Variants in DIAPH3 observed in about 807,000 individuals in gnomAD.
DIAPH3 encodes the protein protein diaphanous homolog 3.
DIAPH3 carries 117 observed loss-of-function variants against 144.3 expected under a neutral mutation model. The ratio of observed to expected loss-of-function variants is 0.81; its 90% CI spans 0.70 to 0.95. DIAPH3 has a LOEUF of 0.95. Among genes scored for constraint, DIAPH3 ranks in the 40% least tolerant of loss-of-function variants. DIAPH3 has a pLI of 0.00. For missense variants in DIAPH3, 1,421 were observed against 1,412.7 expected, an observed-to-expected ratio of 1.01 and a Z score of -0.09; for synonymous variants, 519 against 488.9, an observed-to-expected ratio of 1.06 and a Z score of -0.81.
chr13:59,995,867 A>C (rs1474145944), intron 9 of DIAPH3, among the ~76,000 whole-genome samples: 1 of 152,076 alleles, frequency 6.6e-6, no homozygotes, highest in Non-Finnish European at 1.5e-5. Flanking sequence ...CCAAGACCTC[A>C]GATGGAATCA....
At chr13:60,096,849 T>C (rs1463789748) in intron 3 of DIAPH3, among the ~76,000 whole-genome samples, 1 of 152,162 alleles carries the variant, frequency 6.6e-6, no homozygotes, top group Non-Finnish European at 1.5e-5. Flanking sequence ...CACCAACAAC[T>C]TCCCTGGTTT....
At chr13:59,743,663 C>G (rs1026760586) in intron 27 of DIAPH3, among the ~76,000 whole-genome samples, 3 of 152,144 alleles carry the variant, frequency 2.0e-5, no homozygotes, top group Non-Finnish European at 4.4e-5. Context: ...ACTGAAGGGT[C>G]TCTTCTAGCC....
intron 25 of DIAPH3, among the ~76,000 whole-genome samples, chr13:59,798,938 A>G (rs2039751317): frequency 6.6e-6 from 1 of 152,166 alleles, no homozygotes; most frequent in Admixed American, 6.5e-5. Context: ...AAACAAGATT[A>G]GGGTACAAGA....
At chr13:60,041,093 C>T (rs1227294123) in intron 5 of DIAPH3, among the ~76,000 whole-genome samples, 2 of 150,398 alleles carry the variant, frequency 1.3e-5, no homozygotes, top group Non-Finnish European at 3.0e-5. Context: ...GGATTACAGG[C>T]TTGAGCCTGT....
chr13:60,045,600 G>A (rs548855551), intron 4 of DIAPH3, among the ~76,000 whole-genome samples: 3 of 152,184 alleles, frequency 2.0e-5, no homozygotes, highest in Admixed American at 6.5e-5. Context: ...TGGGCAAGTA[G>A]GTTGTTTACA....
intron 27 of DIAPH3, among the ~76,000 whole-genome samples, chr13:59,686,761 T>C (rs754793899): frequency 2.0e-5 from 3 of 151,956 alleles, no homozygotes; most frequent in Non-Finnish European, 4.4e-5. Context: ...ACAACCAGGG[T>C]AAGAACATTC....
chr13:59,810,855 T>C lies in DIAPH3; in HGVS notation c.3096A>G (p.Lys1032=). 6.2e-7 allele frequency: 1 copy of C among 1,613,540 alleles called. No individual in the cohort carries two copies. The highest frequency in any genetic ancestry group is 8.5e-7 in the Non-Finnish European group (1 of 1,179,876). ...EEKEKRVRIA[K]ELAERERLER... ...CGAGTCTTTCTCGCTCTGCTAATTC[T>C]TTAGCTATTCTGACACGTTTTTCTT... is the stretch of plus-strand genomic sequence containing the variant. Residue 1032 remains lysine, a synonymous_variant, in exon 25 of 28, where the codon AAA becomes AAG. Coordinates refer to ENST00000400324, the MANE Select transcript of DIAPH3 (RefSeq NM_001042517.2).
chr13:60,054,817 A>C (rs2056493809), intron 4 of DIAPH3, among the ~76,000 whole-genome samples: 1 of 151,990 alleles, frequency 6.6e-6, no homozygotes, highest in Non-Finnish European at 1.5e-5. Context: ...TCTAATGTCA[A>C]TGATCAACAG....
chr13:60,055,123 A>C (rs2056507584), intron 4 of DIAPH3, among the ~76,000 whole-genome samples: 1 of 151,896 alleles, frequency 6.6e-6, no homozygotes, highest in Non-Finnish European at 1.5e-5. Context: ...AAAAGCTTAA[A>C]ATTACCAACT....
At chr13:59,744,514 T>G (rs2036612412) in intron 27 of DIAPH3, among the ~76,000 whole-genome samples, 1 of 116,922 alleles carries the variant, frequency 8.6e-6, no homozygotes, top group Admixed American at 8.3e-5. Flanking sequence ...TATGAGATTT[T>G]GTGTGTAATT....
chr13:60,071,815 A>AAATCTAATCTAATC (rs984900349), intron 4 of DIAPH3, among the ~76,000 whole-genome samples: 1 of 152,140 alleles, frequency 6.6e-6, no homozygotes, highest in East Asian at 1.9e-4. Flanking sequence ...TTTTAACCCT[A>AAATCTAATCTAATC]AATCTAATCT....
At chr13:60,136,302 T>C (rs951277125) in intron 1 of DIAPH3, among the ~76,000 whole-genome samples, 1 of 152,148 alleles carries the variant, frequency 6.6e-6, no homozygotes, top group Non-Finnish European at 1.5e-5. Context: ...TACTGTCTTC[T>C]AGTTCAGGAA....
intron 3 of DIAPH3, among the ~76,000 whole-genome samples, chr13:60,105,109 A>AAAAACAAAAC: frequency 8.1e-6 from 1 of 124,180 alleles, no homozygotes; most frequent in South Asian, 2.8e-4. Context: ...CAAAAAAAAA[A>AAAAACAAAAC]AAAAAAAAAA....
At chr13:59,774,273 A>G in intron 26 of DIAPH3, 25 bp from the exon 27 acceptor site, 5 of 1,582,376 alleles carry the variant, frequency 3.2e-6, no homozygotes, top group Non-Finnish European at 4.3e-6. Context: ...AATAAAATAA[A>G]CTTAATATAG....
At chr13:60,095,381 C>T (rs1053016164) in intron 3 of DIAPH3, among the ~76,000 whole-genome samples, 6 of 151,578 alleles carry the variant, frequency 4.0e-5, no homozygotes, top group Admixed American at 3.3e-4. Flanking sequence ...GGGCTCTTGG[C>T]AATTGTAATT....
intron 9 of DIAPH3, among the ~76,000 whole-genome samples, chr13:60,003,830 T>C (rs2052682688): frequency 6.6e-6 from 1 of 152,124 alleles, no homozygotes; most frequent in South Asian, 2.1e-4. Flanking sequence ...TTCGTCTGTC[T>C]CGGCCTCCCA....
intron 9 of DIAPH3, among the ~76,000 whole-genome samples, chr13:60,000,963 A>T (rs141457861): frequency 6.6e-6 from 1 of 152,312 alleles, no homozygotes; most frequent in South Asian, 2.1e-4. Context: ...AGCCAAGGTG[A>T]CACTAGGAGA....
rs531604354 is a variant in DIAPH3 at position 59,971,007 on chromosome 13, T to C, written c.1804A>G (p.Met602Val). The C allele has an allele frequency of 8.1e-6, 13 of 1,613,792 alleles. No individual in the cohort carries two copies. The East Asian group carries it at 2.9e-4, about 36-fold the overall frequency. ...ACAGGACCACTGAATGGCATCCGCA[T>C]TCCTGGAAGTGGAGGAGGTGGTGGG... ...PPPPPPPLPG[M>V]RMPFSGPVPP... is the part of the protein sequence containing the mutation. The change falls in exon 16 of 28, where the codon ATG becomes GTG. Residue 602 changes from methionine to valine, a missense_variant. Met to Val is a conservative substitution (Grantham distance 21, BLOSUM62 1). Coordinates refer to ENST00000400324, the MANE Select transcript of DIAPH3 (RefSeq NM_001042517.2).
rs918689836 is a variant in DIAPH3 at position 59,967,310 on chromosome 13, A to G, written c.2074+2634T>C. Among the ~76,000 whole-genome samples the G allele has an allele frequency of 2.0e-5, 3 of 151,886 alleles. No individual in the cohort carries two copies. The East Asian group carries it at 5.8e-4, about 29-fold the overall frequency. On this transcript the variant is annotated intron_variant, in intron 17 of 27. Transcript: ENST00000400324. ...GGCTGGTCTCAAACTCCTGGCCTCA[A>G]GTGATCAACCCACCTCGACCTCCCA...
Sources: gnomAD v4.1 joint callset for allele counts (sites outside exome capture counted in the v4.1 genomes callset) on GRCh38, gnomAD v4.1.1 for gene constraint, MANE v1.5 for transcripts, NCBI Gene and HGNC (gene_info 2026-07-23, HGNC 2026-07-21) for gene names.